The following LHFPL2 variants were observed in gnomAD, a reference collection of about 807,000 sequenced individuals.
LHFPL2 encodes LHFPL tetraspan subfamily member 2, also known as LHFPL tetraspan subfamily member 2 protein.
LHFPL2 carries 7 observed loss-of-function variants against 17.5 expected under a neutral mutation model. That is an observed-to-expected ratio of 0.40 (90% CI 0.23 to 0.75). LHFPL2 has a LOEUF of 0.75. Among genes scored for constraint, LHFPL2 ranks in the 30% least tolerant of loss-of-function variants. The probability of loss-of-function intolerance (pLI) is 0.37; values close to 1 mark genes in which losing one functional copy is unlikely to be tolerated. For synonymous variants in LHFPL2, 134 were observed against 116.2 expected, an observed-to-expected ratio of 1.15 and a Z score of -0.99; for missense variants, 241 against 294.8, an observed-to-expected ratio of 0.82 and a Z score of 1.34.
intron 2 of LHFPL2, among the ~76,000 whole-genome samples, chr5:78,631,756 C>T (rs976301009): frequency 6.6e-6 from 1 of 152,102 alleles, no homozygotes; most frequent in East Asian, 1.9e-4. Context: ...GCCAATATGG[C>T]GAAACCTTGT....
At chr5:78,548,935 C>A (rs554881966) in intron 3 of LHFPL2, 2 of 152,318 alleles carry the variant, frequency 1.3e-5, no homozygotes, top group Admixed American at 1.3e-4. Flanking sequence ...CTTATATCAG[C>A]ATTTCTATTG....
At chr5:78,534,642 C>T (rs1013196260) in intron 3 of LHFPL2, among the ~76,000 whole-genome samples, 3 of 152,198 alleles carry the variant, frequency 2.0e-5, no homozygotes, top group Admixed American at 6.5e-5. Flanking sequence ...GTCACTGAAG[C>T]GGCTCCAGGT....
chr5:78,605,725 C>T (rs1744190079), intron 2 of LHFPL2, among the ~76,000 whole-genome samples: 1 of 152,166 alleles, frequency 6.6e-6, no homozygotes, highest in Non-Finnish European at 1.5e-5. Context: ...AGCATGAAGA[C>T]ACAACAACCT....
chr5:78,595,144 A>C (rs920998340), intron 2 of LHFPL2, among the ~76,000 whole-genome samples: 1 of 152,234 alleles, frequency 6.6e-6, no homozygotes, highest in Non-Finnish European at 1.5e-5. Flanking sequence ...ACCAGGAACT[A>C]AGGTAAAATA....
intron 2 of LHFPL2, among the ~76,000 whole-genome samples, chr5:78,630,072 G>A (rs1353040265): frequency 6.6e-6 from 1 of 152,226 alleles, no homozygotes; most frequent in African/African-American, 2.4e-5. Flanking sequence ...TCTGTGAAGT[G>A]AGCCTGAACA....
intron 2 of LHFPL2, among the ~76,000 whole-genome samples, chr5:78,578,585 GCACACACACACACACACA>G (rs61127481): frequency 1.4e-5 from 2 of 146,998 alleles, no homozygotes; most frequent in South Asian, 4.4e-4. Context: ...TTGCATATGT[GCACACACACACACACACA>G]CACACACACA....
At position 78,581,899 on chromosome 5, in the gene LHFPL2, G is replaced by A. The variant is rs1402232783; in HGVS notation, c.-244-17028C>T. ...CCTCCTTGTACCTCTGGTAGAATTCGGCTGTGAATCCATCTGGTCCTGTAC... is the reference window on the plus strand; with the variant it reads ...CCTCCTTGTACCTCTGGTAGAATTCAGCTGTGAATCCATCTGGTCCTGTAC... On this transcript the variant is annotated intron_variant, in intron 2 of 4. Coordinates refer to ENST00000380345, the MANE Select transcript of LHFPL2 (RefSeq NM_005779.3). Among the ~76,000 whole-genome samples the A allele has an allele frequency of 2.6e-5, 4 of 152,242 alleles. No homozygotes were observed. In the South Asian group the frequency reaches 6.2e-4, roughly 24 times the overall value.
At chr5:78,544,340 A>C (rs564387055) in intron 3 of LHFPL2, among the ~76,000 whole-genome samples, 27 of 152,354 alleles carry the variant, frequency 1.8e-4, no homozygotes, top group Non-Finnish European at 1.5e-5. Flanking sequence ...GACACCTCAG[A>C]GGGTAAAGCA....
At chr5:78,520,277 GAA>G (rs1404487165) in intron 3 of LHFPL2, among the ~76,000 whole-genome samples, 1 of 152,120 alleles carries the variant, frequency 6.6e-6, no homozygotes, top group Non-Finnish European at 1.5e-5. Context: ...ATAGGCAAGG[GAA>G]AAAGACCCAC....
rs763397687 is a variant in LHFPL2, at chr5:78,486,013, AAACAAAAC to A, written c.*2876_*2883del. 19 of 151,934 alleles carry A rather than the reference AAACAAAAC, an allele frequency of 1.3e-4. No homozygotes were observed. Among genetic ancestry groups the A allele is most frequent in the Non-Finnish European group, 2.1e-4 (14 of 68,006 alleles). The allele number at this position is 151,934 out of a possible 1,614,324, so 9.4% of individuals were successfully genotyped here. A position where few individuals can be genotyped will look rare whatever the true frequency, so the allele number is the denominator to read the frequency against. On this transcript the variant is annotated 3_prime_UTR_variant, in exon 5 of 5. Transcript: ENST00000380345. The stretch of plus-strand genomic sequence containing the variant: ...TGTTTTGACTCCTGTCCAGTTTCCA[AAACAAAAC>A]AACAAAACATACATACACCTTTGTT...
chr5:78,502,641 G>A (rs1405873447), intron 4 of LHFPL2, among the ~76,000 whole-genome samples: 1 of 152,204 alleles, frequency 6.6e-6, no homozygotes, highest in Middle Eastern at 3.2e-3. Flanking sequence ...ATAATTCAAA[G>A]TAAGTTACCA....
intron 2 of LHFPL2, among the ~76,000 whole-genome samples, chr5:78,584,547 A>C (rs921405636): frequency 1.3e-5 from 2 of 152,038 alleles, no homozygotes; most frequent in African/African-American, 4.8e-5. Context: ...GGGCCGTGTG[A>C]GGTGTCAGTC....
intron 2 of LHFPL2, among the ~76,000 whole-genome samples, chr5:78,586,404 C>G (rs1028844151): frequency 6.6e-6 from 1 of 152,184 alleles, no homozygotes; most frequent in Non-Finnish European, 1.5e-5. Context: ...TCTGGCTTTC[C>G]AGAAGACTGG....
intron 1 of LHFPL2, chr5:78,644,567 G>A: frequency 2.0e-6 from 1 of 504,730 alleles, no homozygotes; most frequent in Non-Finnish European, 3.6e-6. Flanking sequence ...GGCCTCTTGG[G>A]TACATTGGGA....
At position 78,488,957 on chromosome 5, in the gene LHFPL2, G is replaced by T. The variant is rs757520476; in HGVS notation, c.627C>A (p.Thr209=). 14 of 1,614,078 alleles carry T rather than the reference G, an allele frequency of 8.7e-6. No homozygotes were observed. In the Admixed American group the frequency reaches 2.3e-4, roughly 27 times the overall value. Residue 209 remains threonine (T), a synonymous_variant, in exon 5 of 5, where the codon ACC becomes ACA. Coordinates refer to ENST00000380345, the MANE Select transcript of LHFPL2 (RefSeq NM_005779.3). ...TTTCTTCCTGTACTTTGTCACTAGA[G>T]GTTGCAATTTCTGCTTGTGCAGAGA... ...AVFSAQAEIA[T]SSDKVQEEIE... is the part of the protein sequence containing the mutation.
In LHFPL2 at chr5:78,636,018, A is replaced by G. The variant is rs199899109; in HGVS notation, c.-349-3650T>C. On this transcript the variant is annotated intron_variant, in intron 1 of 4. Transcript: ENST00000380345. ...CACACAGACACACACACACACACAC[A>G]CGCGCACACAAACACCAATTAAATG... Among the ~76,000 whole-genome samples the G allele has an allele frequency of 1.1e-3, 168 of 146,990 alleles. 1 individual carries two copies. Among genetic ancestry groups the G allele is most frequent in the African/African-American group, 2.8e-3 (110 of 39,116 alleles).
intron 2 of LHFPL2, among the ~76,000 whole-genome samples, chr5:78,611,138 A>G (rs1490722402): frequency 6.6e-6 from 1 of 152,230 alleles, no homozygotes; most frequent in African/African-American, 2.4e-5. Flanking sequence ...AAAACATGAT[A>G]TAAGTGTCCA....
chr5:78,520,159 T>C (rs569611297), intron 3 of LHFPL2, among the ~76,000 whole-genome samples: 4 of 152,262 alleles, frequency 2.6e-5, no homozygotes, highest in African/African-American at 9.6e-5. Flanking sequence ...ATTACCATCA[T>C]ATAGGTCAAC....
At chr5:78,602,109 G>A (rs901784524) in intron 2 of LHFPL2, among the ~76,000 whole-genome samples, 4 of 151,916 alleles carry the variant, frequency 2.6e-5, no homozygotes, top group African/African-American at 4.8e-5. Flanking sequence ...TCCAGAAAAG[G>A]CAGAGTATAC....
Sources: allele counts gnomAD v4.1 joint callset (sites outside exome capture counted in the v4.1 genomes callset), GRCh38; gene constraint gnomAD v4.1.1; transcripts MANE v1.5; gene names NCBI Gene and HGNC (gene_info 2026-07-23, HGNC 2026-07-21).